Variants in ZNF407 observed in about 807,000 individuals in gnomAD.
ZNF407 encodes zinc finger protein 407.
Under a neutral mutation model 131.2 loss-of-function variants are expected in ZNF407, and 17 were observed. The ratio of observed to expected loss-of-function variants is 0.13; its 90% CI spans 0.09 to 0.19. The LOEUF (loss-of-function observed/expected upper bound fraction) is 0.19. Among genes scored for constraint, ZNF407 ranks in the 10% least tolerant of loss-of-function variants. ZNF407 has a pLI of 1.00. For synonymous variants in ZNF407, 1,156 were observed against 1,062.0 expected (o/e 1.09, Z -1.72); for missense variants, 2,681 against 2,830.6 (o/e 0.95, Z 1.20).
intron 4 of ZNF407, among the ~76,000 whole-genome samples, chr18:74,857,019 A>G (rs1470017570): frequency 1.3e-5 from 2 of 152,238 alleles, no homozygotes; most frequent in Admixed American, 1.3e-4. Context: ...CGTTAATTAG[A>G]TAAAGGCTAA....
At chr18:74,849,676 G>T (rs1176454501) in intron 4 of ZNF407, among the ~76,000 whole-genome samples, 1 of 152,176 alleles carries the variant, frequency 6.6e-6, no homozygotes, top group Non-Finnish European at 1.5e-5. Context: ...CACCTGCTTA[G>T]ACAGTCATCC....
intron 3 of ZNF407, among the ~76,000 whole-genome samples, chr18:74,760,926 G>C (rs1470349674): frequency 6.6e-6 from 1 of 152,116 alleles, no homozygotes; most frequent in African/African-American, 2.4e-5. Flanking sequence ...TTTATTTCCA[G>C]AGTTGGTAAA....
chr18:74,854,664 A>G (rs908450439), intron 4 of ZNF407, among the ~76,000 whole-genome samples: 2 of 152,112 alleles, frequency 1.3e-5, no homozygotes, highest in Admixed American at 1.3e-4. Flanking sequence ...TTTTTTAATA[A>G]TCAAATATTT....
At chr18:75,043,933 C>T (rs1973402628) in intron 8 of ZNF407, among the ~76,000 whole-genome samples, 1 of 152,204 alleles carries the variant, frequency 6.6e-6, no homozygotes, top group South Asian at 2.1e-4. Flanking sequence ...AATTGCTAAA[C>T]TGCTCCGTTT....
chr18:74,979,741 T>C (rs1479780131), intron 8 of ZNF407, among the ~76,000 whole-genome samples: 2 of 152,180 alleles, frequency 1.3e-5, no homozygotes, highest in African/African-American at 4.8e-5. Context: ...ACCTTAATAG[T>C]AGCCAGAGAA....
At chr18:74,655,904 C>T (rs1985434423) in intron 3 of ZNF407, among the ~76,000 whole-genome samples, 1 of 152,056 alleles carries the variant, frequency 6.6e-6, no homozygotes, top group Admixed American at 6.6e-5. Context: ...AATCAACTGC[C>T]AATTTATATG....
At chr18:74,783,142 C>A (rs934186099) in intron 4 of ZNF407, among the ~76,000 whole-genome samples, 6 of 152,130 alleles carry the variant, frequency 3.9e-5, no homozygotes, top group African/African-American at 1.4e-4. Context: ...CTCAGTCCTT[C>A]TTTGACCTTA....
chr18:74,778,087 C>A (rs1396147865), intron 3 of ZNF407, among the ~76,000 whole-genome samples: 1 of 152,162 alleles, frequency 6.6e-6, no homozygotes, highest in Admixed American at 6.5e-5. Flanking sequence ...CTCCTCTGTT[C>A]AGATGCCTGA....
rs181871580 is a variant in ZNF407, at chr18:74,731,235, G to A, written c.4803-50193G>A. The stretch of plus-strand genomic sequence containing the variant: ...ACTGTATAATAATTTGTCCAAAAGG[G>A]AATGGGCTAATCTACAATCATAAGC... On this transcript the variant is annotated intron_variant, in intron 3 of 8. Transcript: ENST00000299687. Among the ~76,000 whole-genome samples, 427 of 152,288 alleles carry A rather than the reference G, an allele frequency of 2.8e-3. 2 individuals are homozygous for A. Among genetic ancestry groups the A allele is most frequent in the Admixed American group, 8.3e-3 (127 of 15,298 alleles).
At chr18:74,936,354 T>C (rs545026608) in intron 8 of ZNF407, among the ~76,000 whole-genome samples, 10 of 152,334 alleles carry the variant, frequency 6.6e-5, no homozygotes, top group East Asian at 5.8e-4. Flanking sequence ...ATCCTCATAG[T>C]GCAGACAAAA....
At chr18:74,903,882 GA>G in intron 7 of ZNF407, among the ~76,000 whole-genome samples, 1 of 152,236 alleles carries the variant, frequency 6.6e-6, no homozygotes, top group Middle Eastern at 3.4e-3. Flanking sequence ...TATCAACTTT[GA>G]AAAAATGTTT....
At chr18:74,715,990 A>G (rs955734585) in intron 3 of ZNF407, among the ~76,000 whole-genome samples, 7 of 152,190 alleles carry the variant, frequency 4.6e-5, no homozygotes, top group Non-Finnish European at 8.8e-5. Context: ...TCCCATCCGT[A>G]AGAAGCCAGT....
intron 8 of ZNF407, among the ~76,000 whole-genome samples, chr18:75,055,939 G>A (rs1050478839): frequency 6.6e-6 from 1 of 152,174 alleles, no homozygotes; most frequent in Non-Finnish European, 1.5e-5. Flanking sequence ...TTCGGAAATG[G>A]TGTGAATCTC....
At chr18:74,755,833 T>TTCCC (rs1189718810) in intron 3 of ZNF407, among the ~76,000 whole-genome samples, 7 of 89,576 alleles carry the variant, frequency 7.8e-5, no homozygotes, top group Non-Finnish European at 8.3e-5. Flanking sequence ...CCTCCCTCCC[T>TTCCC]TCCCTCCCTC....
chr18:74,711,971 A>G (rs1047927803), intron 3 of ZNF407, among the ~76,000 whole-genome samples: 3 of 152,180 alleles, frequency 2.0e-5, no homozygotes, highest in African/African-American at 7.2e-5. Context: ...CGGCCTCCCA[A>G]AGTGCTGGGA....
intron 7 of ZNF407, among the ~76,000 whole-genome samples, chr18:74,912,017 A>G (rs375988784): frequency 6.6e-6 from 1 of 152,086 alleles, no homozygotes; most frequent in African/African-American, 2.4e-5. Flanking sequence ...GACAGCCACT[A>G]ATTTTACAAA....
intron 8 of ZNF407, among the ~76,000 whole-genome samples, chr18:74,941,417 A>G (rs750304882): frequency 1.3e-5 from 2 of 152,132 alleles, no homozygotes; most frequent in Non-Finnish European, 2.9e-5. Context: ...CTCCACAGGA[A>G]CCTGCTTTCA....
chr18:75,047,628 C>G (rs905110858), intron 8 of ZNF407, among the ~76,000 whole-genome samples: 1 of 152,170 alleles, frequency 6.6e-6, no homozygotes, highest in African/African-American at 2.4e-5. Flanking sequence ...TAATACTTTT[C>G]AAAGCCTAGC....
At chr18:74,785,186 T>TA (rs74649890) in intron 4 of ZNF407, among the ~76,000 whole-genome samples, 11,922 of 152,314 alleles carry the variant, frequency 0.078, 591 homozygotes, top group East Asian at 0.13. Context: ...ATCAAAACCT[T>TA]ACGTATTTCT....
Sources: gnomAD v4.1 joint callset for allele counts (sites outside exome capture counted in the v4.1 genomes callset) on GRCh38, gnomAD v4.1.1 for gene constraint, MANE v1.5 for transcripts, NCBI Gene and HGNC (gene_info 2026-07-23, HGNC 2026-07-21) for gene names.